Variants in CDIN1 observed in about 807,000 individuals in gnomAD.
The protein encoded by CDIN1 is CDAN1-interacting nuclease 1.
Under a neutral mutation model 45.3 loss-of-function variants are expected in CDIN1, and 33 were observed. The ratio of observed to expected loss-of-function variants is 0.73; its 90% CI spans 0.55 to 0.97. The LOEUF is 0.97. Among genes scored for constraint, CDIN1 ranks in the 50% least tolerant of loss-of-function variants. The probability of loss-of-function intolerance (pLI) is 0.00; values close to 1 mark genes in which losing one functional copy is unlikely to be tolerated. For synonymous variants in CDIN1, 118 were observed against 124.4 expected (o/e 0.95, Z 0.34); for missense variants, 303 against 339.4 (o/e 0.89, Z 0.84).
intron 1 of CDIN1, among the ~76,000 whole-genome samples, chr15:36,590,627 C>T (rs1004633585): frequency 1.3e-5 from 2 of 152,106 alleles, no homozygotes; most frequent in African/African-American, 2.4e-5. Context: ...TTGCTCCCCA[C>T]CCCCAACATA....
At chr15:36,790,589 CTTGA>C (rs1401064343) in intron 10 of CDIN1, among the ~76,000 whole-genome samples, 3 of 152,182 alleles carry the variant, frequency 2.0e-5, no homozygotes, top group Non-Finnish European at 4.4e-5. Flanking sequence ...AATTCCCTGA[CTTGA>C]TTATTACACA....
chr15:36,703,342 A>T (rs769252864), intron 8 of CDIN1, among the ~76,000 whole-genome samples: 65 of 66,828 alleles, frequency 9.7e-4, no homozygotes, highest in East Asian at 4.5e-3. Context: ...TAGATCTATC[A>T]GATATATACA....
At chr15:36,751,986 C>A (rs1398073470) in intron 10 of CDIN1, among the ~76,000 whole-genome samples, 2 of 152,122 alleles carry the variant, frequency 1.3e-5, no homozygotes, top group East Asian at 3.9e-4. Context: ...ACAACACACA[C>A]TGGAGCCTGT....
At chr15:36,685,648 T>G (rs1338273361) in intron 5 of CDIN1, among the ~76,000 whole-genome samples, 3 of 152,026 alleles carry the variant, frequency 2.0e-5, no homozygotes, top group South Asian at 2.1e-4. Flanking sequence ...GAAAATTTTC[T>G]CAACCTACTC....
At chr15:36,693,408 A>G (rs1354423567) in intron 7 of CDIN1, among the ~76,000 whole-genome samples, 1 of 152,206 alleles carries the variant, frequency 6.6e-6, no homozygotes, top group Admixed American at 6.5e-5. Context: ...TATAAAATTA[A>G]TGATAGTGTT....
At chr15:36,611,965 C>T (rs1258750258) in intron 1 of CDIN1, among the ~76,000 whole-genome samples, 1 of 152,168 alleles carries the variant, frequency 6.6e-6, no homozygotes, top group African/African-American at 2.4e-5. Flanking sequence ...GTACATTGTT[C>T]AGAATTATAG....
intron 10 of CDIN1, among the ~76,000 whole-genome samples, chr15:36,743,908 A>G (rs967350931): frequency 6.6e-6 from 1 of 151,972 alleles, no homozygotes; most frequent in Non-Finnish European, 1.5e-5. Context: ...AAAACCAAAA[A>G]AAAACACGAG....
chr15:36,741,776 A>G (rs2140942052), intron 10 of CDIN1, among the ~76,000 whole-genome samples: 1 of 152,262 alleles, frequency 6.6e-6, no homozygotes, highest in East Asian at 1.9e-4. Flanking sequence ...GACATTAGTC[A>G]TTCAATTAGG....
At position 36,697,949 on chromosome 15, in the gene CDIN1, C is replaced by T. The variant is rs113338950; in HGVS notation, c.544+559C>T. 2.1e-3 allele frequency among the ~76,000 whole-genome samples: 318 copies of T among 152,172 alleles called. 1 individual carries two copies. The highest frequency in any genetic ancestry group is 7.1e-3 in the African/African-American group (293 of 41,540). The stretch of plus-strand genomic sequence containing the variant: ...CATCTCTTAAGCATTAGAAATTAAG[C>T]CTCAAAGGACTATACATATAATAAG... On this transcript the variant is annotated intron_variant, in intron 8 of 10. Transcript: ENST00000566621.
At chr15:36,772,556 T>C (rs2054105707) in intron 10 of CDIN1, among the ~76,000 whole-genome samples, 4 of 152,204 alleles carry the variant, frequency 2.6e-5, no homozygotes, top group Admixed American at 2.0e-4. Context: ...TAACCACTTT[T>C]GGTTTGACTA....
rs889112276 is a variant in CDIN1, at chr15:36,751,228, TTTATA to T, written c.716+41269_716+41273del. 6.2e-4 allele frequency among the ~76,000 whole-genome samples: 41 copies of T among 65,900 alleles called. 1 individual carries two copies. The South Asian group carries it at 0.015, about 24-fold the overall frequency. The allele number at this position is 65,900 out of a possible 152,430, so 43.2% of individuals were successfully genotyped here. On this transcript the variant is annotated intron_variant, in intron 10 of 10. Transcript: ENST00000566621. ...GATAAAAGCATATATATATGCTTAT[TTTATA>T]TATATATATATATATATATATATAT...
At chr15:36,713,470 G>C (rs1410705316) in intron 10 of CDIN1, among the ~76,000 whole-genome samples, 2 of 152,146 alleles carry the variant, frequency 1.3e-5, no homozygotes, top group Non-Finnish European at 2.9e-5. Flanking sequence ...TCAATTTAGT[G>C]ATCCTTGAAG....
intron 1 of CDIN1, chr15:36,591,706 A>G (rs1011842528): frequency 6.6e-6 from 1 of 152,178 alleles, no homozygotes; most frequent in Non-Finnish European, 1.5e-5. Flanking sequence ...ATTCAGATTC[A>G]GTGACTTATA....
intron 1 of CDIN1, among the ~76,000 whole-genome samples, chr15:36,614,771 A>G (rs2038808515): frequency 6.6e-6 from 1 of 152,200 alleles, no homozygotes; most frequent in African/African-American, 2.4e-5. Flanking sequence ...AACAACAACA[A>G]AAACAAAAAA....
chr15:36,737,584 T>C (rs1361208650), intron 10 of CDIN1, among the ~76,000 whole-genome samples: 1 of 152,168 alleles, frequency 6.6e-6, no homozygotes, highest in Non-Finnish European at 1.5e-5. Context: ...ACTAATAGTC[T>C]GGGTCAATTA....
intron 1 of CDIN1, 92 bp from the exon 2 acceptor site, chr15:36,644,186 G>A (rs2040219633): frequency 8.3e-7 from 1 of 1,200,396 alleles, no homozygotes; most frequent in African/African-American, 1.5e-5. Context: ...TTAGATTACA[G>A]GGCAGCAGGC....
At chr15:36,626,734 A>G in intron 1 of CDIN1, 1 of 423,066 alleles carries the variant, frequency 2.4e-6, no homozygotes, top group Non-Finnish European at 4.7e-6. Flanking sequence ...ATCCTTTCAG[A>G]TTGACTGGTG....
chr15:36,581,861 G>C (rs1391244162), intron 1 of CDIN1, among the ~76,000 whole-genome samples: 1 of 152,224 alleles, frequency 6.6e-6, no homozygotes, highest in Admixed American at 6.5e-5. Flanking sequence ...TTTTGAACTT[G>C]AATGGATCTT....
chr15:36,597,183 T>C (rs2140215182), intron 1 of CDIN1, among the ~76,000 whole-genome samples: 1 of 152,310 alleles, frequency 6.6e-6, no homozygotes, highest in South Asian at 2.1e-4. Context: ...TATTCGGTGA[T>C]TCACTGAAAG....
Sources: gnomAD v4.1 joint callset for allele counts (sites outside exome capture counted in the v4.1 genomes callset) on GRCh38, gnomAD v4.1.1 for gene constraint, MANE v1.5 for transcripts, NCBI Gene and HGNC (gene_info 2026-07-23, HGNC 2026-07-21) for gene names.